The following PCDH15 variants were observed in gnomAD, a reference collection of about 807,000 sequenced individuals.
The protein encoded by PCDH15 is protocadherin-15.
Under a neutral mutation model 178.5 loss-of-function variants are expected in PCDH15, and 129 were observed. That is an observed-to-expected ratio of 0.72 (90% confidence interval 0.63 to 0.84). The LOEUF is 0.84. Among genes scored for constraint, PCDH15 ranks in the 40% least tolerant of loss-of-function variants. The pLI, the probability that PCDH15 is intolerant of heterozygous loss-of-function variation, is 0.00. For missense variants in PCDH15, 2,230 were observed against 2,099.9 expected (o/e 1.06, Z -1.21); for synonymous variants, 800 against 732.0 (o/e 1.09, Z -1.50).
At chr10:54,354,283 C>G (rs942057012) in intron 5 of PCDH15, among the ~76,000 whole-genome samples, 2 of 152,160 alleles carry the variant, frequency 1.3e-5, no homozygotes, top group Admixed American at 6.5e-5. Context: ...CTGTGCCCGG[C>G]CCATATGAGC....
At chr10:53,941,036 G>T in intron 23 of PCDH15, 61 bp from the exon 24 acceptor site, 1 of 1,187,686 alleles carries the variant, frequency 8.4e-7, no homozygotes, top group Non-Finnish European at 1.2e-6. Context: ...GTAACTTTAC[G>T]TTCACAGAAA....
In PCDH15 at chr10:53,817,501, T is replaced by G. The variant is rs543908754; in HGVS notation, c.4452+494A>C. Among the ~76,000 whole-genome samples, 5 of 141,742 alleles carry G rather than the reference T, an allele frequency of 3.5e-5. No individual in the cohort carries two copies. In the South Asian group the frequency reaches 6.3e-4, roughly 18 times the overall value. The allele number at this position is 141,742 out of a possible 152,430, so 93.0% of individuals were successfully genotyped here. A position where few individuals can be genotyped will look rare whatever the true frequency, so the allele number is the denominator to read the frequency against. On this transcript the variant is annotated intron_variant, in intron 34 of 37. Transcript: ENST00000644397. ...GTAGTCCTATATATATATTCTTTGT[T>G]TTTTTTTTCTTTTTCTTTTTTTTTT... is the stretch of plus-strand genomic sequence containing the variant.
At chr10:55,346,760 T>G (rs578022412) in intron 2 of PCDH15, among the ~76,000 whole-genome samples, 11 of 152,110 alleles carry the variant, frequency 7.2e-5, no homozygotes, top group Non-Finnish European at 1.3e-4. Context: ...AATAGAGTAT[T>G]ATTTCTTGCA....
intron 2 of PCDH15, among the ~76,000 whole-genome samples, chr10:55,043,752 TAAATAAAA>T (rs1840927821): frequency 6.9e-6 from 1 of 144,088 alleles, no homozygotes; most frequent in Non-Finnish European, 1.5e-5. Flanking sequence ...AATAAATAAA[TAAATAAAA>T]GATTAAAAGA....
chr10:54,099,315 A>G (rs534970495), intron 15 of PCDH15, among the ~76,000 whole-genome samples: 3 of 151,744 alleles, frequency 2.0e-5, no homozygotes, highest in Non-Finnish European at 4.4e-5. Context: ...CCTGGCTAAC[A>G]TGGTGAAACC....
intron 2 of PCDH15, among the ~76,000 whole-genome samples, chr10:54,563,322 G>A (rs1393317702): frequency 1.3e-5 from 2 of 152,036 alleles, no homozygotes; most frequent in East Asian, 1.9e-4. Context: ...GGGAACTTCC[G>A]CTTTTTTAGC....
At chr10:55,019,698 C>A (rs1457924333) in intron 2 of PCDH15, among the ~76,000 whole-genome samples, 1 of 152,124 alleles carries the variant, frequency 6.6e-6, no homozygotes, top group Non-Finnish European at 1.5e-5. Context: ...CTGTGGCCAA[C>A]TAATTTGTCA....
At chr10:53,818,092 C>G (rs2076129391) in intron 33 of PCDH15, 79 bp from the exon 34 acceptor site, 1 of 396,328 alleles carries the variant, frequency 2.5e-6, no homozygotes, top group Non-Finnish European at 4.5e-6. Context: ...CAGATAAGGG[C>G]TTTAAAAAAT....
intron 2 of PCDH15, among the ~76,000 whole-genome samples, chr10:55,116,799 G>C (rs1318167254): frequency 1.3e-5 from 2 of 152,148 alleles, no homozygotes. Context: ...CTCTGAAGTA[G>C]ACTATGAAAG....
chr10:54,724,048 A>G (rs1256576884), intron 1 of PCDH15, among the ~76,000 whole-genome samples: 2 of 151,766 alleles, frequency 1.3e-5, no homozygotes, highest in Admixed American at 6.6e-5. Flanking sequence ...GTATCTACAC[A>G]AAGGTAAAGA....
At chr10:54,680,806 T>A (rs2094886042) in intron 1 of PCDH15, among the ~76,000 whole-genome samples, 1 of 152,300 alleles carries the variant, frequency 6.6e-6, no homozygotes, top group Non-Finnish European at 1.5e-5. Flanking sequence ...CATGTGGAAC[T>A]GTGAGTCAAT....
At chr10:54,764,652 G>A (rs1948291040) in intron 1 of PCDH15, among the ~76,000 whole-genome samples, 1 of 152,076 alleles carries the variant, frequency 6.6e-6, no homozygotes, top group South Asian at 2.1e-4. Context: ...TAGAACATGT[G>A]TTGATACGAT....
intron 2 of PCDH15, among the ~76,000 whole-genome samples, chr10:55,103,400 T>G (rs1842615326): frequency 6.6e-6 from 1 of 152,166 alleles, no homozygotes; most frequent in Non-Finnish European, 1.5e-5. Flanking sequence ...ATCTGTTAGC[T>G]CTTGAATTTC....
At chr10:53,906,790 C>A (rs1288395207) in intron 25 of PCDH15, 1 of 127,096 alleles carries the variant, frequency 7.9e-6, no homozygotes, top group African/African-American at 3.1e-5. Context: ...TTTACCCCAC[C>A]CCTTATTCCT....
chr10:55,626,263 G>A (rs548546036), intron 2 of PCDH15, among the ~76,000 whole-genome samples: 2 of 152,156 alleles, frequency 1.3e-5, no homozygotes, highest in Non-Finnish European at 2.9e-5. Context: ...AATGTAAAGG[G>A]ATCCTTGCAG....
intron 35 of PCDH15, among the ~76,000 whole-genome samples, chr10:53,813,637 G>C (rs1398094026): frequency 6.6e-6 from 1 of 152,144 alleles, no homozygotes; most frequent in East Asian, 1.9e-4. Context: ...ATGTACACTT[G>C]TGAGAAAACA....
chr10:54,301,456 T>G (rs539547492), intron 8 of PCDH15, among the ~76,000 whole-genome samples: 1 of 152,280 alleles, frequency 6.6e-6, no homozygotes, highest in East Asian at 1.9e-4. Context: ...GAAAACAAAC[T>G]CTCAGGTAAA....
At chr10:55,542,460 C>T (rs181207007) in intron 2 of PCDH15, among the ~76,000 whole-genome samples, 175 of 150,110 alleles carry the variant, frequency 1.2e-3, no homozygotes, top group African/African-American at 4.0e-3. Flanking sequence ...GTATTTAATA[C>T]GTATTTTAAT....
At chr10:54,697,534 T>TATATATATATATATATATATAC (rs1256170283) in intron 1 of PCDH15, among the ~76,000 whole-genome samples, 24 of 150,722 alleles carry the variant, frequency 1.6e-4, no homozygotes, top group African/African-American at 5.1e-4. Context: ...TATATATATA[T>TATATATATATATATATATATAC]ACCTCTTTAC....
Sources: allele counts gnomAD v4.1 joint callset (sites outside exome capture counted in the v4.1 genomes callset), GRCh38; gene constraint gnomAD v4.1.1; transcripts MANE v1.5; gene names NCBI Gene and HGNC (gene_info 2026-07-23, HGNC 2026-07-21).